Variants in PACRGL observed in about 807,000 individuals in gnomAD.
PACRGL encodes parkin coregulated like, also known as PACRG-like protein.
In PACRGL, 38 loss-of-function variants were observed where a neutral mutation model predicts 34.5. The ratio of observed to expected loss-of-function variants is 1.10; its 90% confidence interval spans 0.85 to 1.44. The LOEUF (loss-of-function observed/expected upper bound fraction) is 1.44. Ranked by LOEUF, PACRGL falls within the 40% of genes most tolerant of loss-of-function variation. PACRGL has a pLI of 0.00. For missense variants in PACRGL, 305 were observed against 281.4 expected, an observed-to-expected ratio of 1.08 and a Z score of -0.60; for synonymous variants, 128 against 100.1, an observed-to-expected ratio of 1.28 and a Z score of -1.66.
chr4:20,744,841 T>C (rs911261105), intron 8 of PACRGL, among the ~76,000 whole-genome samples: 1 of 152,194 alleles, frequency 6.6e-6, no homozygotes, highest in Non-Finnish European at 1.5e-5. Flanking sequence ...TTTGCCTCCC[T>C]AGCCCTAGTA....
At chr4:20,709,584 AC>A in intron 4 of PACRGL, 98 bp from the exon 5 acceptor site, 1 of 725,318 alleles carries the variant, frequency 1.4e-6, no homozygotes, top group Non-Finnish European at 2.2e-6. Context: ...CCTACATGTT[AC>A]AAAATAAATC....
chr4:20,707,240 T>C (rs1019536849), intron 3 of PACRGL, among the ~76,000 whole-genome samples: 1 of 152,202 alleles, frequency 6.6e-6, no homozygotes, highest in African/African-American at 2.4e-5. Flanking sequence ...TAAGAGTAGG[T>C]ATAAAATCAA....
intron 1 of PACRGL, chr4:20,701,941 T>C: frequency 2.2e-6 from 1 of 455,262 alleles, no homozygotes; most frequent in South Asian, 1.6e-5. Context: ...AATTCTCTAA[T>C]ACAGGATTTT....
chr4:20,751,361 A>G (rs1431253399), intron 8 of PACRGL, among the ~76,000 whole-genome samples: 1 of 152,128 alleles, frequency 6.6e-6, no homozygotes, highest in African/African-American at 2.4e-5. Context: ...TAATTACCAT[A>G]AACTTAGTTC....
chr4:20,717,223 C>A (rs1006829616), intron 7 of PACRGL, among the ~76,000 whole-genome samples: 1 of 152,048 alleles, frequency 6.6e-6, no homozygotes, highest in Non-Finnish European at 1.5e-5. Context: ...TTTGTGGATT[C>A]TGGATATTAG....
At position 20,700,743 on chromosome 4, in the gene PACRGL, A is replaced by T. The variant is rs1448388232; in HGVS notation, c.-61A>T. 6.6e-6 allele frequency: 1 copy of T among 152,198 alleles called. No homozygotes were observed. Among genetic ancestry groups the T allele is most frequent in the Non-Finnish European group, 1.5e-5 (1 of 68,052 alleles). The allele number at this position is 152,198 out of a possible 1,614,324, so 9.4% of individuals were successfully genotyped here. ...GAGTGTACCCCTCCTTTCCTGGGGT[A>T]GAGGGTCAGTCGAGAGTAGCCTTCG... On this transcript the variant is annotated 5_prime_UTR_variant, in exon 1 of 9. Coordinates refer to ENST00000503585, the MANE Select transcript of PACRGL (RefSeq NM_001258345.3).
chr4:20,749,142 A>G (rs1753086721), intron 8 of PACRGL, among the ~76,000 whole-genome samples: 1 of 137,266 alleles, frequency 7.3e-6, no homozygotes, highest in African/African-American at 2.8e-5. Flanking sequence ...TTTATGACAG[A>G]GCGAGACTCT....
chr4:20,698,449 C>A (rs1731332390), upstream of PACRGL, among the ~76,000 whole-genome samples: 1 of 152,208 alleles, frequency 6.6e-6, no homozygotes, highest in Non-Finnish European at 1.5e-5. Flanking sequence ...TCAGCGTCTA[C>A]ATATGCTGAT....
At chr4:20,740,200 T>G (rs2322687) in intron 8 of PACRGL, among the ~76,000 whole-genome samples, 76,428 of 151,840 alleles carry the variant, frequency 0.5, 19,760 homozygotes, top group African/African-American at 0.59. Flanking sequence ...ACCTAGCAAG[T>G]CAGGCCAACA....
At position 20,729,319 on chromosome 4, in the gene PACRGL, G is replaced by GATACTAATGATTGATACAATAGAAAA. The variant is rs1192847609; in HGVS notation, c.*1979_*2004dup. 6.6e-6 allele frequency: 1 copy of GATACTAATGATTGATACAATAGAAAA among 151,254 alleles called. No homozygotes were observed. Among genetic ancestry groups the GATACTAATGATTGATACAATAGAAAA allele is most frequent in the African/African-American group, 2.4e-5 (1 of 41,168 alleles). The allele number at this position is 151,254 out of a possible 1,614,324, so 9.4% of individuals were successfully genotyped here. On this transcript the variant is annotated 3_prime_UTR_variant, in exon 9 of 9. Coordinates refer to ENST00000503585, the MANE Select transcript of PACRGL (RefSeq NM_001258345.3). ...CTTCTTCAACTTCCACTTAATGATTGATACTAATGATTGATACAATAGAAA... is the reference window on the plus strand; with the variant it reads ...CTTCTTCAACTTCCACTTAATGATTGATACTAATGATTGATACAATAGAAAAATACTAATGATTGATACAATAGAAA...
chr4:20,734,675 C>A, downstream of PACRGL: 1 of 1,600,812 alleles, frequency 6.2e-7, no homozygotes, highest in South Asian at 1.1e-5. Context: ...AGATTAAATG[C>A]CCAATTGAGT....
At chr4:20,748,631 A>G (rs149733327) in intron 8 of PACRGL, among the ~76,000 whole-genome samples, 5,759 of 145,102 alleles carry the variant, frequency 0.04, 174 homozygotes, top group Middle Eastern at 0.069. Flanking sequence ...AAATGTATAT[A>G]TGGAAAAGAG....
intron 7 of PACRGL, among the ~76,000 whole-genome samples, chr4:20,719,398 C>G (rs938141507): frequency 5.3e-5 from 8 of 152,068 alleles, no homozygotes; most frequent in Admixed American, 2.0e-4. Flanking sequence ...TCTTGCTTCT[C>G]TAGTTCTTTT....
intron 8 of PACRGL, among the ~76,000 whole-genome samples, chr4:20,725,352 T>TACAC (rs10584716): frequency 0.064 from 9,606 of 150,314 alleles, 337 homozygotes; most frequent in Admixed American, 0.1. Flanking sequence ...CCCATAGGTG[T>TACAC]ACACACACAC....
At chr4:20,746,496 A>G (rs749522171) in intron 8 of PACRGL, among the ~76,000 whole-genome samples, 1 of 152,086 alleles carries the variant, frequency 6.6e-6, no homozygotes, top group African/African-American at 2.4e-5. Flanking sequence ...CACTCTGCAC[A>G]TGTATCCCAG....
intron 1 of PACRGL, among the ~76,000 whole-genome samples, chr4:20,701,344 A>G (rs62410102): frequency 0.11 from 16,083 of 152,156 alleles, 1,103 homozygotes; most frequent in Middle Eastern, 0.19. Flanking sequence ...TTTAAGGGGA[A>G]TGTGTGGGCT....
upstream of PACRGL, among the ~76,000 whole-genome samples, chr4:20,699,146 G>C (rs1731437686): frequency 6.6e-6 from 1 of 152,122 alleles, no homozygotes; most frequent in South Asian, 2.1e-4. Flanking sequence ...CTAGGAGTAA[G>C]GAAAATATAA....
chr4:20,721,148 G>C (rs1274885243), intron 7 of PACRGL, among the ~76,000 whole-genome samples: 5 of 152,088 alleles, frequency 3.3e-5, no homozygotes, highest in African/African-American at 1.2e-4. Context: ...TCGTCATGTA[G>C]TTCTCGTGCC....
intron 7 of PACRGL, among the ~76,000 whole-genome samples, chr4:20,724,214 G>C (rs1440716429): frequency 6.6e-6 from 1 of 152,126 alleles, no homozygotes; most frequent in Non-Finnish European, 1.5e-5. Flanking sequence ...TCTGCTCTGG[G>C]ATTCTGGTTA....
Sources: allele counts gnomAD v4.1 joint callset (sites outside exome capture counted in the v4.1 genomes callset), GRCh38; gene constraint gnomAD v4.1.1; transcripts MANE v1.5; gene names NCBI Gene and HGNC (gene_info 2026-07-23, HGNC 2026-07-21).